Variants in ZNF536 observed in about 807,000 individuals in gnomAD.
ZNF536 encodes the protein zinc finger protein 536.
In ZNF536, 13 loss-of-function variants were observed where a neutral mutation model predicts 84.5. That is an observed-to-expected ratio of 0.15 (90% CI 0.10 to 0.24). The LOEUF is 0.24. Ranked by LOEUF, ZNF536 falls within the 10% of genes least tolerant of loss-of-function variation. The pLI is 1.00. For missense variants in ZNF536, 1,536 were observed against 1,747.5 expected, an observed-to-expected ratio of 0.88 and a Z score of 2.16; for synonymous variants, 811 against 742.5, an observed-to-expected ratio of 1.09 and a Z score of -1.50.
chr19:30,273,630 G>C (rs981597236), intron 1 of ZNF536, among the ~76,000 whole-genome samples: 7 of 152,306 alleles, frequency 4.6e-5, no homozygotes, highest in Admixed American at 2.6e-4. Flanking sequence ...GCATATTTCA[G>C]ATACCAGTCC....
intron 2 of ZNF536, among the ~76,000 whole-genome samples, chr19:30,331,527 C>T (rs564518022): frequency 6.6e-6 from 1 of 152,024 alleles, no homozygotes; most frequent in Non-Finnish European, 1.5e-5. Context: ...TGTGTTCACT[C>T]CGAGTTTCTG....
chr19:30,326,612 C>T (rs943664746), intron 2 of ZNF536, among the ~76,000 whole-genome samples: 1 of 151,870 alleles, frequency 6.6e-6, no homozygotes, highest in Non-Finnish European at 1.5e-5. Flanking sequence ...GAAATGAAAA[C>T]GTATGTGAAG....
upstream of ZNF536, among the ~76,000 whole-genome samples, chr19:30,371,558 G>GTTTT (rs11343587): frequency 2.2e-5 from 3 of 135,778 alleles, no homozygotes; most frequent in Non-Finnish European, 3.1e-5. Flanking sequence ...GTCTTTTCTT[G>GTTTT]TTTTTTTTTT....
At chr19:30,342,502 A>C (rs2047596606) in intron 2 of ZNF536, among the ~76,000 whole-genome samples, 1 of 152,218 alleles carries the variant, frequency 6.6e-6, no homozygotes. Context: ...GTCTAATTAC[A>C]GTATGGAAGA....
chr19:30,286,052 C>G (rs2045613976), intron 2 of ZNF536, among the ~76,000 whole-genome samples: 1 of 151,918 alleles, frequency 6.6e-6, no homozygotes, highest in South Asian at 2.1e-4. Flanking sequence ...CTTTCCTTGG[C>G]TGAAATACAG....
At chr19:30,356,504 G>A (rs1296523497) in intron 3 of ZNF536, among the ~76,000 whole-genome samples, 1 of 152,282 alleles carries the variant, frequency 6.6e-6, no homozygotes, top group East Asian at 1.9e-4. Flanking sequence ...AGGAGGGAGT[G>A]AATAATTGTA....
At position 30,499,385 on chromosome 19, in the gene ZNF536, CTATG is replaced by C. The variant is rs527340213; in HGVS notation, c.2171-35446_2171-35443del. 5.8e-3 allele frequency among the ~76,000 whole-genome samples: 885 copies of C among 151,808 alleles called. 11 individuals are homozygous for C. The highest frequency in any genetic ancestry group is 0.02 in the African/African-American group (827 of 41,386). On this transcript the variant is annotated intron_variant, in intron 2 of 4. Coordinates refer to ENST00000355537, the MANE Select transcript of ZNF536 (RefSeq NM_014717.3). ...TGTTTGTATGAATGTATGTATATGT[CTATG>C]TATGTATGTATGTATCTATCTGTGT... is the stretch of plus-strand genomic sequence containing the variant.
chr19:30,230,380 A>G (rs981341024), intron 1 of ZNF536, among the ~76,000 whole-genome samples: 7 of 152,202 alleles, frequency 4.6e-5, no homozygotes, highest in African/African-American at 1.7e-4. Flanking sequence ...TGGAGAAAAC[A>G]CTTTCAATAA....
chr19:30,409,888 C>A (rs547546488), intron 1 of ZNF536, among the ~76,000 whole-genome samples: 164 of 152,182 alleles, frequency 1.1e-3, no homozygotes, highest in African/African-American at 3.7e-3. Flanking sequence ...AGATACATAT[C>A]TTTAATGGAA....
At chr19:30,232,808 GC>G (rs2023168756) in intron 1 of ZNF536, among the ~76,000 whole-genome samples, 1 of 152,192 alleles carries the variant, frequency 6.6e-6, no homozygotes, top group Non-Finnish European at 1.5e-5. Flanking sequence ...TCCGTGCTGT[GC>G]GTTGTAGGAT....
At chr19:30,655,350 T>G (rs899902136) in intron 1 of ZNF536, among the ~76,000 whole-genome samples, 4 of 152,320 alleles carry the variant, frequency 2.6e-5, no homozygotes, top group African/African-American at 9.6e-5. Context: ...TAAAAGAATC[T>G]ATTACATATT....
At chr19:30,658,083 C>T (rs886926901) in intron 1 of ZNF536, among the ~76,000 whole-genome samples, 10 of 148,588 alleles carry the variant, frequency 6.7e-5, no homozygotes, top group East Asian at 4.3e-4. Context: ...AGTGCAGTGG[C>T]GCAATCTCGG....
chr19:30,501,790 C>A (rs945934664), intron 2 of ZNF536, among the ~76,000 whole-genome samples: 1 of 152,228 alleles, frequency 6.6e-6, no homozygotes, highest in Non-Finnish European at 1.5e-5. Context: ...AGGTCCTTAA[C>A]CCATTCATGC....
intron 2 of ZNF536, among the ~76,000 whole-genome samples, chr19:30,495,671 C>T (rs1482763110): frequency 6.6e-6 from 1 of 152,204 alleles, no homozygotes; most frequent in East Asian, 1.9e-4. Flanking sequence ...GACCAGTTTA[C>T]CAACTCAGTC....
At chr19:30,561,709 A>AAACCAAAGAGGTTGATT (rs2046174312), downstream of ZNF536, among the ~76,000 whole-genome samples, 1 of 152,146 alleles carries the variant, frequency 6.6e-6, no homozygotes, top group Admixed American at 6.5e-5. Context: ...GGATTGAAGG[A>AAACCAAAGAGGTTGATT]GCCGGGGTAT....
intron 1 of ZNF536, among the ~76,000 whole-genome samples, chr19:30,565,012 CG>C (rs1015731666): frequency 9.9e-5 from 15 of 152,064 alleles, no homozygotes; most frequent in Admixed American, 7.2e-4. Context: ...TCCGTGCCAT[CG>C]CCTTGTCCGG....
chr19:30,528,964 A>G (rs1470562554), intron 2 of ZNF536, among the ~76,000 whole-genome samples: 2 of 149,108 alleles, frequency 1.3e-5, no homozygotes, highest in Non-Finnish European at 3.0e-5. Context: ...AGCCTGGGAT[A>G]GGCTTGGAGC....
At chr19:30,686,167 T>C (rs564699511) in intron 1 of ZNF536, among the ~76,000 whole-genome samples, 81 of 152,222 alleles carry the variant, frequency 5.3e-4, no homozygotes, top group Admixed American at 4.7e-3. Flanking sequence ...ATTTGCAGAG[T>C]TCTGTGAAGA....
At chr19:30,247,492 T>G (rs1325137051) in intron 1 of ZNF536, among the ~76,000 whole-genome samples, 1 of 152,128 alleles carries the variant, frequency 6.6e-6, no homozygotes. Context: ...TCCCAGTTCT[T>G]CTCTGATGGG....
Sources: gnomAD v4.1 joint callset for allele counts (sites outside exome capture counted in the v4.1 genomes callset) on GRCh38, gnomAD v4.1.1 for gene constraint, MANE v1.5 for transcripts, NCBI Gene and HGNC (gene_info 2026-07-23, HGNC 2026-07-21) for gene names.